Variants in LRRC4C observed in about 807,000 individuals in gnomAD.
The protein encoded by LRRC4C is leucine-rich repeat-containing protein 4C.
LRRC4C carries 5 observed loss-of-function variants against 33.6 expected under a neutral mutation model. The ratio of observed to expected loss-of-function variants is 0.15; its 90% CI spans 0.08 to 0.31. The LOEUF (loss-of-function observed/expected upper bound fraction) is 0.31. LRRC4C is among the 10% of genes least tolerant of loss of function. LRRC4C has a pLI of 1.00. For missense variants in LRRC4C, 560 were observed against 796.7 expected (o/e 0.70, Z 3.58); for synonymous variants, 329 against 302.0 (o/e 1.09, Z -0.93).
rs544031079 is a variant in LRRC4C at position 41,084,986 on chromosome 11, A to G, written c.-495-151263T>C. On this transcript the variant is annotated intron_variant, in intron 1 of 6. Coordinates refer to ENST00000528697, the MANE Select transcript of LRRC4C (RefSeq NM_001258419.2). Reference sequence around the variant, plus strand: ...GTATGCTTAAGTAAGCATGCTTAGCATATATAAATAGTGGTTAAAAGATAA... The same window carrying G: ...GTATGCTTAAGTAAGCATGCTTAGCGTATATAAATAGTGGTTAAAAGATAA... 8.5e-5 allele frequency among the ~76,000 whole-genome samples: 13 copies of G among 152,360 alleles called. No homozygotes were observed. In the South Asian group the frequency reaches 2.3e-3, roughly 27 times the overall value.
chr11:41,306,792 C>T (rs1013468464), intron 1 of LRRC4C, among the ~76,000 whole-genome samples: 1 of 152,170 alleles, frequency 6.6e-6, no homozygotes, highest in South Asian at 2.1e-4. Flanking sequence ...TCCTGTTTTG[C>T]TCCACTGTAA....
intron 3 of LRRC4C, among the ~76,000 whole-genome samples, chr11:40,378,674 C>T (rs1948749096): frequency 6.6e-6 from 1 of 152,002 alleles, no homozygotes; most frequent in Non-Finnish European, 1.5e-5. Flanking sequence ...TACTAGATGT[C>T]AGGTTTGCCT....
intron 1 of LRRC4C, among the ~76,000 whole-genome samples, chr11:41,139,543 G>A (rs535847589): frequency 6.6e-6 from 1 of 152,234 alleles, no homozygotes; most frequent in Non-Finnish European, 1.5e-5. Flanking sequence ...GTAAATTTAG[G>A]AGAAAACTAG....
intron 1 of LRRC4C, among the ~76,000 whole-genome samples, chr11:41,164,911 T>C (rs1227205361): frequency 6.6e-6 from 1 of 152,138 alleles, no homozygotes; most frequent in African/African-American, 2.4e-5. Context: ...GGCTCGTGGC[T>C]CTGGAATGTG....
At chr11:40,407,106 G>A (rs181699931) in intron 3 of LRRC4C, among the ~76,000 whole-genome samples, 101 of 152,210 alleles carry the variant, frequency 6.6e-4, no homozygotes, top group Middle Eastern at 3.4e-3. Flanking sequence ...ACTTTCTGCA[G>A]AGACTGAGGG....
chr11:40,688,487 G>GGCATC (rs1367784147), intron 2 of LRRC4C, among the ~76,000 whole-genome samples: 2 of 152,054 alleles, frequency 1.3e-5, no homozygotes, highest in Non-Finnish European at 2.9e-5. Context: ...TAAGAATTCA[G>GGCATC]AAATTAGGCA....
At chr11:40,865,307 G>C (rs1954300220) in intron 2 of LRRC4C, among the ~76,000 whole-genome samples, 1 of 152,070 alleles carries the variant, frequency 6.6e-6, no homozygotes, top group Non-Finnish European at 1.5e-5. Flanking sequence ...GCAGTGAAGG[G>C]GGAAGTTGGG....
At chr11:41,366,219 T>C (rs549135178) in intron 1 of LRRC4C, among the ~76,000 whole-genome samples, 1 of 148,682 alleles carries the variant, frequency 6.7e-6, no homozygotes, top group African/African-American at 2.6e-5. Context: ...GATAGATAGA[T>C]AGATAGATAG....
At chr11:40,254,513 A>T (rs1198276890) in intron 4 of LRRC4C, among the ~76,000 whole-genome samples, 1 of 152,160 alleles carries the variant, frequency 6.6e-6, no homozygotes, top group Non-Finnish European at 1.5e-5. Flanking sequence ...TCCAATTGTT[A>T]TTGCTATTGT....
intron 2 of LRRC4C, among the ~76,000 whole-genome samples, chr11:40,665,323 AAAATATATATATATATATATATATAT>A (rs1447253659): frequency 0.019 from 207 of 10,930 alleles, 7 homozygotes; most frequent in Non-Finnish European, 0.032. Context: ...AAAAAAAAAA[AAAATATATATATATATATATATATAT>A]ATATATATAT....
At chr11:40,308,436 T>C (rs1945144519) in intron 4 of LRRC4C, among the ~76,000 whole-genome samples, 1 of 152,152 alleles carries the variant, frequency 6.6e-6, no homozygotes, top group African/African-American at 2.4e-5. Flanking sequence ...TATTTGAATC[T>C]CTGGAACCTG....
At chr11:40,698,082 A>G (rs1056122949) in intron 2 of LRRC4C, among the ~76,000 whole-genome samples, 3 of 151,722 alleles carry the variant, frequency 2.0e-5, no homozygotes, top group Non-Finnish European at 2.9e-5. Context: ...AAAAAAAAAA[A>G]AAAATTACAT....
intron 2 of LRRC4C, among the ~76,000 whole-genome samples, chr11:40,861,668 G>A (rs940851240): frequency 1.3e-5 from 2 of 152,176 alleles, no homozygotes; most frequent in Non-Finnish European, 2.9e-5. Context: ...GTTACGCATT[G>A]CTGTAAAGGA....
At chr11:40,601,112 C>T (rs893625178) in intron 3 of LRRC4C, among the ~76,000 whole-genome samples, 1 of 152,184 alleles carries the variant, frequency 6.6e-6, no homozygotes, top group African/African-American at 2.4e-5. Flanking sequence ...TTGGCATTAA[C>T]ATTCTTCACC....
chr11:40,188,156 C>A (rs1861556309), intron 5 of LRRC4C, among the ~76,000 whole-genome samples: 1 of 152,146 alleles, frequency 6.6e-6, no homozygotes, highest in African/African-American at 2.4e-5. Context: ...GGTGAACTAC[C>A]AGCCGAAATC....
chr11:41,170,100 A>G (rs1944905662), intron 1 of LRRC4C, among the ~76,000 whole-genome samples: 1 of 152,122 alleles, frequency 6.6e-6, no homozygotes, highest in South Asian at 2.1e-4. Flanking sequence ...CACATACTGA[A>G]TCCTTCACTG....
At chr11:40,589,031 T>G (rs1958904569) in intron 3 of LRRC4C, among the ~76,000 whole-genome samples, 1 of 152,152 alleles carries the variant, frequency 6.6e-6, no homozygotes, top group South Asian at 2.1e-4. Flanking sequence ...CTGGGTATCC[T>G]TGTTGACTTT....
At chr11:41,305,978 G>C (rs145878406) in intron 1 of LRRC4C, among the ~76,000 whole-genome samples, 1 of 147,290 alleles carries the variant, frequency 6.8e-6, no homozygotes, top group African/African-American at 2.5e-5. Context: ...GGGATCCTCC[G>C]TATGCTGAAC....
At chr11:40,965,069 G>T (rs1247102811) in intron 1 of LRRC4C, among the ~76,000 whole-genome samples, 2 of 152,056 alleles carry the variant, frequency 1.3e-5, no homozygotes, top group African/African-American at 4.8e-5. Flanking sequence ...CATTCTAACT[G>T]GTGTGAGATG....
Sources: gnomAD v4.1 joint callset for allele counts (sites outside exome capture counted in the v4.1 genomes callset) on GRCh38, gnomAD v4.1.1 for gene constraint, MANE v1.5 for transcripts, NCBI Gene and HGNC (gene_info 2026-07-23, HGNC 2026-07-21) for gene names.